The following DCLK1 variants were observed in gnomAD, a reference collection of about 807,000 sequenced individuals.
DCLK1 encodes doublecortin like kinase 1, also known as serine/threonine-protein kinase DCLK1.
DCLK1 carries 16 observed loss-of-function variants against 86.2 expected under a neutral mutation model. The observed-to-expected ratio is 0.19, with a 90% CI of 0.13 to 0.28. The LOEUF (loss-of-function observed/expected upper bound fraction) is 0.28, where lower values mean the gene tolerates loss of function less well. Among genes scored for constraint, DCLK1 ranks in the 10% least tolerant of loss-of-function variants. The pLI is 1.00. For missense variants in DCLK1, 590 were observed against 940.2 expected, an observed-to-expected ratio of 0.63 and a Z score of 4.87; for synonymous variants, 369 against 370.5, an observed-to-expected ratio of 1.00 and a Z score of 0.05.
At chr13:35,788,365 T>C (rs1301929852) in intron 16 of DCLK1, 6 of 1,286,510 alleles carry the variant, frequency 4.7e-6, no homozygotes, top group East Asian at 2.3e-5. Context: ...CTGTTCTTCA[T>C]TGATTCTATA....
At chr13:35,926,058 CT>C (rs71797601) in intron 4 of DCLK1, among the ~76,000 whole-genome samples, 5,840 of 143,900 alleles carry the variant, frequency 0.041, 330 homozygotes, top group East Asian at 0.27. Context: ...CAAATGTAAT[CT>C]TTTTTTTTTT....
At chr13:35,926,247 T>C (rs1414075381) in intron 4 of DCLK1, among the ~76,000 whole-genome samples, 1 of 119,550 alleles carries the variant, frequency 8.4e-6, no homozygotes, top group Non-Finnish European at 1.7e-5. Flanking sequence ...TTAGTAGAGA[T>C]GGGTTTCGCC....
chr13:35,898,656 G>A (rs1381493584), intron 4 of DCLK1, among the ~76,000 whole-genome samples: 1 of 152,210 alleles, frequency 6.6e-6, no homozygotes, highest in East Asian at 1.9e-4. Context: ...GGCAGCTCTT[G>A]GTTGGTGTGA....
At position 36,036,375 on chromosome 13, in the gene DCLK1, G is replaced by T. The variant is rs73180261; in HGVS notation, c.723+75494C>A. ...CCCTGCTGTCCAACACCACCGGCTC[G>T]ACCTCGAATTCTTTCCTGGGCAAAG... On this transcript the variant is annotated intron_variant, in intron 3 of 16. Transcript: ENST00000360631. Among the ~76,000 whole-genome samples, 703 of 152,264 alleles carry T rather than the reference G, an allele frequency of 4.6e-3. 4 individuals are homozygous for T. The highest frequency in any genetic ancestry group is 0.014 in the Middle Eastern group (4 of 294).
At chr13:35,901,287 G>A (rs1454725470) in intron 4 of DCLK1, among the ~76,000 whole-genome samples, 2 of 152,016 alleles carry the variant, frequency 1.3e-5, no homozygotes, top group Non-Finnish European at 2.9e-5. Context: ...AGGAGTTCAA[G>A]ACCAGCCTGG....
chr13:35,801,934 C>A (rs1201154652), intron 15 of DCLK1, among the ~76,000 whole-genome samples: 1 of 152,152 alleles, frequency 6.6e-6, no homozygotes, highest in African/African-American at 2.4e-5. Flanking sequence ...TATCTTCTAG[C>A]AAACATGCAC....
chr13:35,914,332 A>AAATATATATATATACATAT (rs1875245612), intron 4 of DCLK1, among the ~76,000 whole-genome samples: 1 of 74,074 alleles, frequency 1.3e-5, no homozygotes, highest in Non-Finnish European at 2.5e-5. Context: ...AAAAAAAAAA[A>AAATATATATATATACATAT]ATATATATAT....
At chr13:35,970,164 A>G (rs1878996405) in intron 3 of DCLK1, among the ~76,000 whole-genome samples, 1 of 152,120 alleles carries the variant, frequency 6.6e-6, no homozygotes, top group South Asian at 2.1e-4. Flanking sequence ...TTCTTTTCAA[A>G]GCTGCCTAGC....
chr13:36,083,100 A>AGG (rs1884477432), intron 3 of DCLK1, among the ~76,000 whole-genome samples: 1 of 151,972 alleles, frequency 6.6e-6, no homozygotes, highest in African/African-American at 2.4e-5. Context: ...CTGCTATTTA[A>AGG]AAAGTCCTTA....
In DCLK1 at chr13:36,095,866, C is replaced by T. The variant is rs370207724; in HGVS notation, c.723+16003G>A. Among the ~76,000 whole-genome samples the T allele has an allele frequency of 8.5e-5, 13 of 152,130 alleles. No homozygotes were observed. In the South Asian group the frequency reaches 2.7e-3, roughly 32 times the overall value. On this transcript the variant is annotated intron_variant, in intron 3 of 16. Transcript: ENST00000360631. The stretch of plus-strand genomic sequence containing the variant: ...AAGATAGAGGATTTTGTCTTAAATT[C>T]CTGGAATTAAAAGAATTTTTCCATT...
chr13:35,899,675 G>A lies in DCLK1; in HGVS notation c.824-28335C>T, dbSNP rs547017257. On this transcript the variant is annotated intron_variant, in intron 4 of 16. Coordinates refer to ENST00000360631, the MANE Select transcript of DCLK1 (RefSeq NM_001330071.2). ...CATTTTTACTACAACACTGTACAGT[G>A]TTAAATCTATCTTCATAATTTATCA... 2.0e-5 allele frequency among the ~76,000 whole-genome samples: 3 copies of A among 152,276 alleles called. No individual in the cohort carries two copies. In the East Asian group the frequency reaches 5.8e-4, roughly 29 times the overall value.
chr13:35,877,367 GC>G (rs1872648857), intron 4 of DCLK1, among the ~76,000 whole-genome samples: 2 of 152,212 alleles, frequency 1.3e-5, no homozygotes. Context: ...TATAGAAGGT[GC>G]TGAAGAATAG....
At chr13:36,065,539 A>C (rs1883716100) in intron 3 of DCLK1, among the ~76,000 whole-genome samples, 1 of 152,208 alleles carries the variant, frequency 6.6e-6, no homozygotes, top group East Asian at 1.9e-4. Context: ...CCCACCCCAA[A>C]TGTAAGAAAT....
chr13:36,067,999 T>C lies in DCLK1; in HGVS notation c.723+43870A>G, dbSNP rs147635413. Among the ~76,000 whole-genome samples, 904 of 152,284 alleles carry C rather than the reference T, an allele frequency of 5.9e-3. 9 individuals carry two copies. The highest frequency in any genetic ancestry group is 0.021 in the African/African-American group (853 of 41,556). ...CAAAAAGGAATGATGTAAACGCACATGTATAAGTGTTCAAATTTTTCAAGT... is the reference window on the plus strand; with the variant it reads ...CAAAAAGGAATGATGTAAACGCACACGTATAAGTGTTCAAATTTTTCAAGT... On this transcript the variant is annotated intron_variant, in intron 3 of 16. Coordinates refer to ENST00000360631, the MANE Select transcript of DCLK1 (RefSeq NM_001330071.2).
intron 3 of DCLK1, among the ~76,000 whole-genome samples, chr13:35,952,742 A>T (rs1877768259): frequency 6.6e-6 from 1 of 152,188 alleles, no homozygotes; most frequent in African/African-American, 2.4e-5. Flanking sequence ...TTTGGTTATT[A>T]TACGGAAATC....
At chr13:36,111,486 A>C (rs1382346783) in intron 3 of DCLK1, among the ~76,000 whole-genome samples, 1 of 152,226 alleles carries the variant, frequency 6.6e-6, no homozygotes, top group Non-Finnish European at 1.5e-5. Context: ...AGGTCAAAGA[A>C]ATAAGTTAGA....
intron 3 of DCLK1, among the ~76,000 whole-genome samples, chr13:36,100,215 C>CAAAA (rs1885167844): frequency 2.8e-5 from 2 of 71,902 alleles, no homozygotes; most frequent in Non-Finnish European, 5.9e-5. Context: ...AAAAAAAAAC[C>CAAAA]ACACACACAC....
At chr13:35,886,630 C>T (rs1267438917) in intron 4 of DCLK1, among the ~76,000 whole-genome samples, 3 of 152,096 alleles carry the variant, frequency 2.0e-5, no homozygotes, top group Non-Finnish European at 4.4e-5. Flanking sequence ...CTATGGGTTT[C>T]TAGGCTGCTC....
In DCLK1 at chr13:36,112,109, C is replaced by T. The variant is rs1386496870; in HGVS notation, c.483G>A (p.Arg161=). The change falls in exon 3 of 17, where the codon CGG becomes CGA. Residue 161 remains arginine (R), a synonymous_variant. Coordinates refer to ENST00000360631, the MANE Select transcript of DCLK1 (RefSeq NM_001330071.2). Reference sequence around the variant, plus strand: ...TGGCAGTGGCCAGTGAAGACACTGCCCGAGAAGCCGAGGTGGTCTTGACGT... The same window carrying T: ...TGGCAGTGGCCAGTGAAGACACTGCTCGAGAAGCCGAGGTGGTCTTGACGT... ...SVNVKTTSAS[R]AVSSLATAKG... is the part of the protein sequence containing the mutation. 1 of 1,613,992 alleles carries T rather than the reference C, an allele frequency of 6.2e-7. No individual in the cohort carries two copies. Among genetic ancestry groups the T allele is most frequent in the South Asian group, 1.1e-5 (1 of 91,076 alleles).
Sources: gnomAD v4.1 joint callset for allele counts (sites outside exome capture counted in the v4.1 genomes callset) on GRCh38, gnomAD v4.1.1 for gene constraint, MANE v1.5 for transcripts, NCBI Gene and HGNC (gene_info 2026-07-23, HGNC 2026-07-21) for gene names.